C1orf159: variants seen among roughly 807,000 people sequenced by gnomAD.
C1orf159 encodes chromosome 1 open reading frame 159, also known as uncharacterized protein C1orf159.
A neutral mutation model predicts 25.6 loss-of-function variants in C1orf159; 19 were observed. The ratio of observed to expected loss-of-function variants is 0.74; its 90% CI spans 0.52 to 1.09. C1orf159 has a LOEUF of 1.09. Ranked by LOEUF, C1orf159 falls within the 50% of genes least tolerant of loss-of-function variation. C1orf159 has a pLI of 0.00. For synonymous variants in C1orf159, 139 were observed against 124.7 expected (o/e 1.12, Z -0.77); for missense variants, 274 against 290.6 (o/e 0.94, Z 0.42).
intron 9 of C1orf159, 24 bp downstream of exon 9, chr1:1,084,329 G>A: frequency 2.6e-6 from 4 of 1,536,718 alleles, no homozygotes; most frequent in Non-Finnish European, 3.5e-6. Flanking sequence ...AAACCCCACA[G>A]GGGGATGCGA....
chr1:1,083,294 C>T lies in C1orf159; in HGVS notation c.503-307G>A, dbSNP rs1645774254. 8.5e-6 allele frequency: 3 copies of T among 351,048 alleles called. No individual in the cohort carries two copies. The Admixed American group carries it at 1.3e-4, about 15-fold the overall frequency. The allele number at this position is 351,048 out of a possible 1,614,324, so 21.7% of individuals were successfully genotyped here. A position where few individuals can be genotyped will look rare whatever the true frequency, so the allele number is the denominator to read the frequency against. ...ATGTGGGTCCCAGAGTATCATGCACCTCAGGGGGCGACAAGCAGGCCGTAG... is the reference window on the plus strand; with the variant it reads ...ATGTGGGTCCCAGAGTATCATGCACTTCAGGGGGCGACAAGCAGGCCGTAG... On this transcript the variant is annotated intron_variant, in intron 9 of 9. Transcript: ENST00000421241.
chr1:1,088,427 C>T (rs1645871197), intron 4 of C1orf159, among the ~76,000 whole-genome samples: 2 of 144,064 alleles, frequency 1.4e-5, no homozygotes, highest in Non-Finnish European at 3.0e-5. Context: ...AGGATAGGCC[C>T]ACCCGCCAGC....
intron 2 of C1orf159, 127 bp from the exon 3 acceptor site, chr1:1,091,692 CA>C (rs1645939458): frequency 3.0e-6 from 1 of 334,958 alleles, no homozygotes; most frequent in Admixed American, 3.3e-5. Flanking sequence ...AGGGCAGAGC[CA>C]AATGGAGATG....
At chr1:1,088,818 C>A (rs1645878774) in intron 4 of C1orf159, among the ~76,000 whole-genome samples, 4 of 152,154 alleles carry the variant, frequency 2.6e-5, no homozygotes, top group African/African-American at 9.7e-5. Flanking sequence ...GAGAGTGGGC[C>A]TGAGACCCCG....
At chr1:1,111,597 A>G (rs191238954) in intron 1 of C1orf159, among the ~76,000 whole-genome samples, 25 of 152,318 alleles carry the variant, frequency 1.6e-4, no homozygotes, top group Admixed American at 9.1e-4. Context: ...GTGATTTTAA[A>G]TAAGTAACAT....
chr1:1,092,290 C>A (rs1186823957), intron 1 of C1orf159, 187 bp from the exon 2 acceptor site: 2 of 230,864 alleles, frequency 8.7e-6, no homozygotes, highest in Non-Finnish European at 1.8e-5. Context: ...GGCCTCCTGG[C>A]CTCCTGCGGG....
chr1:1,082,901 T>G lies in C1orf159; in HGVS notation c.589A>C (p.Asn197His), dbSNP rs1292399756. 1.9e-6 allele frequency: 3 copies of G among 1,591,850 alleles called. No homozygotes were observed. The highest frequency in any genetic ancestry group is 2.7e-5 in the African/African-American group (2 of 74,518). Reference sequence around the variant, plus strand: ...TGGTCTCGGCCTCCAGGTCAGACATTGCTGATACGGGCCTCCCCCGGGAAG... The same window carrying G: ...TGGTCTCGGCCTCCAGGTCAGACATGGCTGATACGGGCCTCCCCCGGGAAG... ...AAFPGEARIS[N>H]V The change falls in exon 10 of 10, where the codon AAT (asparagine) becomes CAT (histidine). Residue 197 changes from asparagine to histidine, a missense_variant. Physicochemically the swap from Asn to His is moderately conservative, Grantham distance 68. Coordinates refer to ENST00000421241, the MANE Select transcript of C1orf159 (RefSeq NM_017891.5).
At chr1:1,109,065 G>GGCA (rs58706103) in intron 1 of C1orf159, among the ~76,000 whole-genome samples, 2 of 141,292 alleles carry the variant, frequency 1.4e-5, no homozygotes, top group Admixed American at 1.4e-4. Context: ...ACCATGTCTC[G>GGCA]GCACCGTTCA....
intron 3 of C1orf159, 63 bp downstream of exon 3, chr1:1,091,409 G>T: frequency 7.0e-7 from 1 of 1,428,008 alleles, no homozygotes; most frequent in Non-Finnish European, 9.6e-7. Flanking sequence ...CTAGGGGAAG[G>T]GCCCACCGCC....
At chr1:1,107,033 G>A (rs1014290399) in intron 1 of C1orf159, among the ~76,000 whole-genome samples, 17 of 152,156 alleles carry the variant, frequency 1.1e-4, no homozygotes, top group African/African-American at 3.6e-4. Context: ...CCATGCCCGA[G>A]GCCCCCCGCA....
intron 1 of C1orf159, among the ~76,000 whole-genome samples, chr1:1,107,908 G>A (rs960279685): frequency 6.6e-6 from 1 of 152,220 alleles, no homozygotes; most frequent in Non-Finnish European, 1.5e-5. Context: ...CCAGAAGGAA[G>A]AAACTCCAAA....
intron 1 of C1orf159, among the ~76,000 whole-genome samples, chr1:1,099,153 T>C (rs982647795): frequency 1.0e-5 from 1 of 100,246 alleles, no homozygotes; most frequent in Non-Finnish European, 1.9e-5. Context: ...GTTTTTGGTC[T>C]ATTATTCTAA....
intron 1 of C1orf159, among the ~76,000 whole-genome samples, chr1:1,099,616 T>C: frequency 8.6e-6 from 1 of 116,088 alleles, no homozygotes. Context: ...TGGTCTATTG[T>C]TCTAAGAATT....
intron 2 of C1orf159, 136 bp downstream of exon 2, chr1:1,091,855 A>C: frequency 4.3e-6 from 2 of 464,360 alleles, no homozygotes; most frequent in Non-Finnish European, 8.3e-6. Flanking sequence ...ACTGAGTTAA[A>C]TGGAGATGGG....
chr1:1,091,372 G>T, intron 3 of C1orf159, 100 bp downstream of exon 3: 1 of 1,129,260 alleles, frequency 8.9e-7, no homozygotes, highest in Non-Finnish European at 1.3e-6. Flanking sequence ...GGACATCAGT[G>T]TCCTAAAGGT....
chr1:1,101,652 C>T (rs1646102330), intron 1 of C1orf159, among the ~76,000 whole-genome samples: 1 of 152,022 alleles, frequency 6.6e-6, no homozygotes, highest in South Asian at 2.1e-4. Flanking sequence ...AATCAGCTCA[C>T]AGTCTGTCGG....
intron 3 of C1orf159, 87 bp from the exon 4 acceptor site, chr1:1,090,515 GA>G: frequency 7.4e-7 from 1 of 1,349,266 alleles, no homozygotes; most frequent in South Asian, 1.3e-5. Context: ...GGTGCCGTGG[GA>G]GCACATCTCA....
At chr1:1,083,672 G>T in intron 9 of C1orf159, 1 of 561,630 alleles carries the variant, frequency 1.8e-6, no homozygotes, top group Non-Finnish European at 3.2e-6. Flanking sequence ...GGCAGCCCCG[G>T]GGCACTCGGG....
chr1:1,093,270 G>A (rs1301265836), intron 1 of C1orf159, among the ~76,000 whole-genome samples: 1 of 152,204 alleles, frequency 6.6e-6, no homozygotes, highest in Admixed American at 6.5e-5. Flanking sequence ...TGGTTAAAGG[G>A]CATCCTGAGG....
Sources: gnomAD v4.1 joint callset for allele counts (sites outside exome capture counted in the v4.1 genomes callset) on GRCh38, gnomAD v4.1.1 for gene constraint, MANE v1.5 for transcripts, NCBI Gene and HGNC (gene_info 2026-07-23, HGNC 2026-07-21) for gene names.